Variants in RBMS3 observed in about 807,000 individuals in gnomAD.
The protein encoded by RBMS3 is RNA binding motif single stranded interacting protein 3.
RBMS3 carries 27 observed loss-of-function variants against 66.8 expected under a neutral mutation model. The observed-to-expected ratio is 0.40, with a 90% CI of 0.30 to 0.56. The LOEUF is 0.56. Ranked by LOEUF, RBMS3 falls within the 20% of genes least tolerant of loss-of-function variation. RBMS3 has a pLI of 0.40. For synonymous variants in RBMS3, 188 were observed against 183.0 expected, an observed-to-expected ratio of 1.03 and a Z score of -0.22; for missense variants, 513 against 549.5, an observed-to-expected ratio of 0.93 and a Z score of 0.66.
chr3:29,653,268 T>C (rs1319444549), intron 4 of RBMS3, among the ~76,000 whole-genome samples: 1 of 152,112 alleles, frequency 6.6e-6, no homozygotes, highest in Non-Finnish European at 1.5e-5. Context: ...ATCTGCAAAA[T>C]TGGGATTAGT....
chr3:29,588,084 C>T (rs1253777559), intron 4 of RBMS3, among the ~76,000 whole-genome samples: 5 of 152,094 alleles, frequency 3.3e-5, no homozygotes, highest in African/African-American at 1.2e-4. Flanking sequence ...CATAGGCTCT[C>T]TCTGTACTAT....
chr3:29,562,614 T>C (rs531448389), intron 3 of RBMS3, among the ~76,000 whole-genome samples: 1 of 152,302 alleles, frequency 6.6e-6, no homozygotes, highest in African/African-American at 2.4e-5. Flanking sequence ...ATACTTGATA[T>C]ATGGTTACTT....
At chr3:29,599,744 T>C (rs923580931) in intron 4 of RBMS3, among the ~76,000 whole-genome samples, 3 of 152,122 alleles carry the variant, frequency 2.0e-5, no homozygotes, top group Non-Finnish European at 4.4e-5. Flanking sequence ...ATATTCAATA[T>C]AGGGTTAAAA....
intron 6 of RBMS3, among the ~76,000 whole-genome samples, chr3:29,861,981 T>C (rs2059227758): frequency 1.3e-5 from 2 of 152,212 alleles, no homozygotes; most frequent in African/African-American, 4.8e-5. Context: ...ATTTAGTCTC[T>C]ATTTTAACTA....
chr3:29,908,258 A>C (rs576422590), intron 10 of RBMS3, among the ~76,000 whole-genome samples: 22 of 145,332 alleles, frequency 1.5e-4, no homozygotes, highest in South Asian at 6.2e-4. Context: ...CTCAAAAAAA[A>C]AAACAAACAA....
chr3:29,632,358 A>G (rs13323797), intron 4 of RBMS3, among the ~76,000 whole-genome samples: 14,198 of 151,916 alleles, frequency 0.093, 1,187 homozygotes, highest in East Asian at 0.35. Flanking sequence ...GGGGGAGAAG[A>G]GAGTAGGAGA....
At chr3:29,652,918 G>T (rs956260679) in intron 4 of RBMS3, among the ~76,000 whole-genome samples, 5 of 152,108 alleles carry the variant, frequency 3.3e-5, no homozygotes, top group African/African-American at 4.8e-5. Context: ...ATCCAAGAAG[G>T]TTAGAAGAGA....
At chr3:29,831,950 G>A (rs1014734667) in intron 6 of RBMS3, among the ~76,000 whole-genome samples, 6 of 152,008 alleles carry the variant, frequency 3.9e-5, no homozygotes, top group Non-Finnish European at 7.4e-5. Flanking sequence ...AATCAGCTTT[G>A]GTGTGTGATC....
intron 12 of RBMS3, among the ~76,000 whole-genome samples, chr3:29,964,181 TATAAC>T (rs1696673630): frequency 6.6e-6 from 1 of 152,220 alleles, no homozygotes; most frequent in Admixed American, 6.5e-5. Flanking sequence ...GTGTGTGAAG[TATAAC>T]ATAAGACTTC....
Position 29,281,717 on chromosome 3 carries a change from C to A in RBMS3, c.36C>A (p.Pro12=). 3 of 1,613,528 alleles carry A rather than the reference C, an allele frequency of 1.9e-6. No homozygotes were observed. The highest frequency in any genetic ancestry group is 2.5e-6 in the Non-Finnish European group (3 of 1,179,710). ...GKRLDQPQMY[P]QYTYYYPHYL... is the part of the protein sequence containing the mutation. ...GCCTGGATCAGCCACAAATGTACCCCCAGTACACTTACTACTATCCTCATT... is the reference window on the plus strand; with the variant it reads ...GCCTGGATCAGCCACAAATGTACCCACAGTACACTTACTACTATCCTCATT... Residue 12 remains proline, a synonymous_variant, in exon 1 of 15, where the codon CCC becomes CCA. Coordinates refer to ENST00000383767, the MANE Select transcript of RBMS3 (RefSeq NM_001003793.3).
chr3:29,381,026 G>A (rs999170149), intron 1 of RBMS3, among the ~76,000 whole-genome samples: 13 of 152,200 alleles, frequency 8.5e-5, no homozygotes, highest in Admixed American at 3.3e-4. Context: ...TGTGTCTCTC[G>A]ATACTCCATA....
chr3:29,934,685 G>A lies in RBMS3; in HGVS notation c.940-1401G>A, dbSNP rs72848099. ...TACAGACCTTTAAAATAACAGACAT[G>A]TTTTCTGATTGATTCCTACTGAAAA... On this transcript the variant is annotated intron_variant, in intron 10 of 14. Transcript: ENST00000383767. Among the ~76,000 whole-genome samples the A allele has an allele frequency of 2.1e-3, 326 of 152,166 alleles. 2 individuals are homozygous for A. Among genetic ancestry groups the A allele is most frequent in the African/African-American group, 7.7e-3 (322 of 41,556 alleles).
intron 4 of RBMS3, among the ~76,000 whole-genome samples, chr3:29,627,190 C>T (rs2049091914): frequency 6.6e-6 from 1 of 152,090 alleles, no homozygotes; most frequent in Admixed American, 6.6e-5. Context: ...CATTAAAGTG[C>T]TGACAAGGAC....
chr3:29,785,041 CA>C (rs925729574), intron 6 of RBMS3, among the ~76,000 whole-genome samples: 11 of 151,666 alleles, frequency 7.3e-5, no homozygotes, highest in African/African-American at 2.4e-4. Flanking sequence ...AAATTGCCAC[CA>C]AAAAAAGACC....
chr3:29,880,994 T>C (rs529023681), intron 7 of RBMS3, among the ~76,000 whole-genome samples: 21 of 150,050 alleles, frequency 1.4e-4, no homozygotes, highest in Non-Finnish European at 2.2e-4. Flanking sequence ...AAGTATATAA[T>C]GTCCCCGCTC....
chr3:29,598,038 C>A (rs2034907), intron 4 of RBMS3, among the ~76,000 whole-genome samples: 1 of 151,824 alleles, frequency 6.6e-6, no homozygotes, highest in Non-Finnish European at 1.5e-5. Flanking sequence ...AAATCATCAC[C>A]GTTAAAAAAT....
At chr3:29,324,648 G>C (rs1365692428) in intron 1 of RBMS3, among the ~76,000 whole-genome samples, 1 of 152,094 alleles carries the variant, frequency 6.6e-6, no homozygotes, top group African/African-American at 2.4e-5. Flanking sequence ...TGTTTCCCCT[G>C]TGCCCTTCCA....
intron 3 of RBMS3, among the ~76,000 whole-genome samples, chr3:29,512,495 G>A (rs1200460419): frequency 1.3e-5 from 2 of 152,014 alleles, no homozygotes; most frequent in Non-Finnish European, 2.9e-5. Flanking sequence ...AATTTAAAAA[G>A]TCTTAAAACT....
intron 1 of RBMS3, among the ~76,000 whole-genome samples, chr3:29,306,732 C>T (rs1438088849): frequency 6.6e-6 from 1 of 151,838 alleles, no homozygotes; most frequent in Non-Finnish European, 1.5e-5. Flanking sequence ...CCTGCAGAGG[C>T]TCCCTTCAGT....
Sources: gnomAD v4.1 joint callset for allele counts (sites outside exome capture counted in the v4.1 genomes callset) on GRCh38, gnomAD v4.1.1 for gene constraint, MANE v1.5 for transcripts, NCBI Gene and HGNC (gene_info 2026-07-23, HGNC 2026-07-21) for gene names.